EPB41L5: variants seen among roughly 807,000 people sequenced by gnomAD.
EPB41L5 encodes band 4.1-like protein 5.
In EPB41L5, 55 loss-of-function variants were observed where a neutral mutation model predicts 106.6. The ratio of observed to expected loss-of-function variants is 0.52; its 90% CI spans 0.42 to 0.65. EPB41L5 has a LOEUF of 0.65. Ranked by LOEUF, EPB41L5 falls within the 30% of genes least tolerant of loss-of-function variation. The pLI, the probability that EPB41L5 is intolerant of heterozygous loss-of-function variation, is 0.00. For missense variants in EPB41L5, 871 were observed against 882.1 expected (o/e 0.99, Z 0.16); for synonymous variants, 297 against 306.7 (o/e 0.97, Z 0.33).
rs1282029819 is a variant in EPB41L5 at position 120,167,505 on chromosome 2, C to G, written c.2002C>G (p.Pro668Ala). The change falls in exon 23 of 25, where the codon CCG becomes GCG. Residue 668 changes from proline (P) to alanine (A), a missense_variant and splice_region_variant. Transcript: ENST00000263713. ...TSMITPRWIV[P>A]QSGAMSNGLA... The stretch of plus-strand genomic sequence containing the variant: ...CATGATCACACCCCGGTGGATTGTT[C>G]CGGTAAGTTCATGTTATTTGTGATT... The G allele has an allele frequency of 5.0e-6, 8 of 1,613,666 alleles. No individual in the cohort carries two copies. Among genetic ancestry groups the G allele is most frequent in the East Asian group, 2.2e-5 (1 of 44,894 alleles).
chr2:120,142,874 A>G (rs1686240126), intron 18 of EPB41L5, 129 bp from the exon 19 acceptor site: 2 of 789,820 alleles, frequency 2.5e-6, no homozygotes, highest in Admixed American at 2.9e-5. Context: ...TATGCCTGAA[A>G]TAAGATATGG....
chr2:120,152,144 G>A (rs1194086305), intron 20 of EPB41L5, among the ~76,000 whole-genome samples: 3 of 152,194 alleles, frequency 2.0e-5, no homozygotes, highest in Non-Finnish European at 4.4e-5. Context: ...TCACCATTGA[G>A]TGTTGTGTGT....
chr2:120,064,352 G>T (rs1186434031), intron 3 of EPB41L5, among the ~76,000 whole-genome samples: 2 of 152,214 alleles, frequency 1.3e-5, no homozygotes, highest in Non-Finnish European at 2.9e-5. Flanking sequence ...AGCAAGAGTA[G>T]TGGTGGTGCA....
intron 16 of EPB41L5, among the ~76,000 whole-genome samples, chr2:120,118,741 G>T (rs1325813945): frequency 6.6e-6 from 1 of 152,158 alleles, no homozygotes; most frequent in East Asian, 1.9e-4. Flanking sequence ...TATCCAGTCT[G>T]TCATTTATGG....
At chr2:120,101,779 C>G (rs1448994086) in intron 16 of EPB41L5, among the ~76,000 whole-genome samples, 1 of 152,058 alleles carries the variant, frequency 6.6e-6, no homozygotes, top group African/African-American at 2.4e-5. Flanking sequence ...GCTCTTGATA[C>G]TTGGGTGTAT....
At chr2:120,110,816 A>G (rs1407062706) in intron 16 of EPB41L5, among the ~76,000 whole-genome samples, 1 of 151,752 alleles carries the variant, frequency 6.6e-6, no homozygotes, top group Non-Finnish European at 1.5e-5. Context: ...TGTATTTTTT[A>G]GTAGAAACGG....
At chr2:120,030,334 A>G (rs939506942) in intron 2 of EPB41L5, among the ~76,000 whole-genome samples, 1 of 152,196 alleles carries the variant, frequency 6.6e-6, no homozygotes, top group African/African-American at 2.4e-5. Context: ...TGAGGATAAC[A>G]TCACTACTGT....
At chr2:120,135,120 A>G (rs1179511634) in intron 18 of EPB41L5, among the ~76,000 whole-genome samples, 2 of 152,178 alleles carry the variant, frequency 1.3e-5, no homozygotes, top group Non-Finnish European at 2.9e-5. Flanking sequence ...AATAATTTTT[A>G]AAAATTAGCA....
At chr2:120,053,701 A>C (rs1200648775) in intron 3 of EPB41L5, among the ~76,000 whole-genome samples, 5 of 152,170 alleles carry the variant, frequency 3.3e-5, no homozygotes, top group South Asian at 2.1e-4. Context: ...TATTGTATGA[A>C]TATATCACAT....
At chr2:120,100,171 A>T in intron 14 of EPB41L5, 73 bp from the exon 15 acceptor site, 1 of 1,072,040 alleles carries the variant, frequency 9.3e-7, no homozygotes. Flanking sequence ...TTATTAGTGT[A>T]TGTGTTATCT....
At chr2:120,102,988 G>A (rs1450054994) in intron 16 of EPB41L5, among the ~76,000 whole-genome samples, 1 of 152,038 alleles carries the variant, frequency 6.6e-6, no homozygotes, top group African/African-American at 2.4e-5. Flanking sequence ...TGTGAGCCAG[G>A]TCTGATGAAC....
intron 2 of EPB41L5, among the ~76,000 whole-genome samples, chr2:120,034,384 G>T (rs1678909442): frequency 6.6e-6 from 1 of 152,148 alleles, no homozygotes; most frequent in African/African-American, 2.4e-5. Flanking sequence ...AATGTTGATG[G>T]AATATGAAAT....
At chr2:120,106,694 T>C in intron 16 of EPB41L5, 1 of 985,332 alleles carries the variant, frequency 1.0e-6, no homozygotes. Context: ...TTTGACTGTT[T>C]TTACAGTCAA....
chr2:120,039,243 A>G (rs1679239213), intron 2 of EPB41L5, among the ~76,000 whole-genome samples: 1 of 152,112 alleles, frequency 6.6e-6, no homozygotes, highest in Admixed American at 6.5e-5. Context: ...AGAGACAGAA[A>G]GTATTAATGG....
chr2:120,176,785 G>C lies in EPB41L5; in HGVS notation c.*1878G>C, dbSNP rs535436575. 2 of 152,308 alleles carry C rather than the reference G, an allele frequency of 1.3e-5. No homozygotes were observed. The highest frequency in any genetic ancestry group is 4.1e-4 in the South Asian group (2 of 4,830). 9.4% of individuals were successfully genotyped at this position (152,308 alleles called of 1,614,324 possible). On this transcript the variant is annotated 3_prime_UTR_variant, in exon 25 of 25. Transcript: ENST00000263713. The stretch of plus-strand genomic sequence containing the variant: ...TTACCGTTGTGCTGCTCACCACAGA[G>C]CAGCTGAGGCATTATGCCTTGGAAG...
chr2:120,090,408 T>G lies in EPB41L5; in HGVS notation c.935T>G (p.Leu312Ter). The G allele has an allele frequency of 6.2e-7, 1 of 1,613,678 alleles. No homozygotes were observed. Residue 312 changes from leucine (L) to a stop codon, truncating the protein, a stop_gained, in exon 12 of 25, where the codon TTA becomes TGA. Transcript: ENST00000263713. LOFTEE classifies it high-confidence loss of function. ...RLDHPKACKH[L>*]WKCAVEHHAF... The stretch of plus-strand genomic sequence containing the variant: ...GATCATCCAAAAGCATGCAAACATT[T>G]ATGGAAATGTGCTGTGGAGCATCAT...
intron 24 of EPB41L5, among the ~76,000 whole-genome samples, chr2:120,169,616 C>G (rs1210163659): frequency 6.6e-6 from 1 of 152,168 alleles, no homozygotes; most frequent in African/African-American, 2.4e-5. Context: ...CTCTCTCACC[C>G]CCTTCCCTTC....
At chr2:120,173,855 T>G (rs548420575) in intron 24 of EPB41L5, among the ~76,000 whole-genome samples, 1 of 152,170 alleles carries the variant, frequency 6.6e-6, no homozygotes, top group African/African-American at 2.4e-5. Flanking sequence ...GCTATTTTTG[T>G]TGTTGTTGTT....
chr2:120,152,601 C>T (rs1371423189), intron 20 of EPB41L5, among the ~76,000 whole-genome samples: 1 of 152,134 alleles, frequency 6.6e-6, no homozygotes, highest in East Asian at 1.9e-4. Flanking sequence ...GGTGACAGGG[C>T]AATAGTGTTG....
Sources: gnomAD v4.1 joint callset for allele counts (sites outside exome capture counted in the v4.1 genomes callset) on GRCh38, gnomAD v4.1.1 for gene constraint, MANE v1.5 for transcripts, NCBI Gene and HGNC (gene_info 2026-07-23, HGNC 2026-07-21) for gene names.